Variants in DMD observed in about 807,000 individuals in gnomAD.
DMD encodes the protein dystrophin.
A neutral mutation model predicts 330.1 loss-of-function variants in DMD; 63 were observed. The ratio of observed to expected loss-of-function variants is 0.19; its 90% CI spans 0.16 to 0.24. The LOEUF is 0.24. Ranked by LOEUF, DMD falls within the 10% of genes least tolerant of loss-of-function variation. The pLI is 1.00. For synonymous variants in DMD, 1,223 were observed against 959.8 expected, an observed-to-expected ratio of 1.27 and a Z score of -5.07; for missense variants, 3,344 against 2,684.1, an observed-to-expected ratio of 1.25 and a Z score of -5.43.
intron 55 of DMD, among the ~76,000 whole-genome samples, chrX:31,551,729 C>CATGTCAGTTTCAA (rs2074498326): frequency 8.9e-6 from 1 of 111,965 alleles, no homozygotes; most frequent in Non-Finnish European, 1.9e-5. Flanking sequence ...CATATAAAAC[C>CATGTCAGTTTCAA]ATGTCAGTTT....
chrX:31,596,392 T>A (rs1324130047), intron 55 of DMD, among the ~76,000 whole-genome samples: 1 of 111,909 alleles, frequency 8.9e-6, no homozygotes, highest in Non-Finnish European at 1.9e-5. Flanking sequence ...GGAATGGAGT[T>A]CTCTGTTTAA....
intron 48 of DMD, among the ~76,000 whole-genome samples, chrX:31,865,276 A>G (rs2149628001): frequency 8.9e-6 from 1 of 111,826 alleles, no homozygotes; most frequent in East Asian, 2.8e-4. Context: ...GGAGAAAAAC[A>G]TTCAATAAAT....
At chrX:32,568,362 G>C (rs1025091504) in intron 15 of DMD, among the ~76,000 whole-genome samples, 1 of 109,846 alleles carries the variant, frequency 9.1e-6, no homozygotes, top group Non-Finnish European at 1.9e-5. Flanking sequence ...ACAATAATTA[G>C]CTGGGAATGT....
intron 1 of DMD, among the ~76,000 whole-genome samples, chrX:33,022,643 T>C (rs761494212): frequency 9.0e-6 from 1 of 111,182 alleles, no homozygotes; most frequent in Admixed American, 9.6e-5. Flanking sequence ...CTTCTCAATC[T>C]GTATGTAATT....
intron 1 of DMD, among the ~76,000 whole-genome samples, chrX:33,111,945 A>G (rs942157719): frequency 3.6e-5 from 4 of 111,634 alleles, no homozygotes; most frequent in Non-Finnish European, 7.5e-5. Flanking sequence ...CAACAACCAT[A>G]TAACTATATT....
rs1187618290 is a variant in DMD, at chrX:31,272,150, T to TCTC, written c.9225-11137_9225-11135dup. 8.1e-5 allele frequency among the ~76,000 whole-genome samples: 9 copies of TCTC among 111,520 alleles called. No homozygotes were observed. In the Admixed American group the frequency reaches 8.6e-4, roughly 11 times the overall value. On this transcript the variant is annotated intron_variant, in intron 62 of 78. Transcript: ENST00000357033. ...CAGATAAAGTCGAGCTCTGCTTCAC[T>TCTC]CTCACACAGTTTTCTTTTAATAAGA...
chrX:32,242,952 A>G (rs902539521), intron 43 of DMD, among the ~76,000 whole-genome samples: 3 of 81,103 alleles, frequency 3.7e-5, no homozygotes, highest in South Asian at 9.6e-4. Flanking sequence ...AGGAAAAGGA[A>G]AAGGAACAGA....
chrX:33,051,192 C>A (rs2094451651), intron 1 of DMD, among the ~76,000 whole-genome samples: 1 of 107,363 alleles, frequency 9.3e-6, no homozygotes, highest in African/African-American at 3.4e-5. Context: ...TTTGGATCTT[C>A]ACTATCTCAA....
At chrX:32,806,669 T>C (rs1489231089) in intron 7 of DMD, among the ~76,000 whole-genome samples, 1 of 111,597 alleles carries the variant, frequency 9.0e-6, no homozygotes, top group Non-Finnish European at 1.9e-5. Flanking sequence ...TCATACTTAT[T>C]CTAAAATTGA....
At chrX:32,366,126 T>C (rs2097853652) in intron 34 of DMD, among the ~76,000 whole-genome samples, 2 of 112,128 alleles carry the variant, frequency 1.8e-5, no homozygotes, top group Non-Finnish European at 3.8e-5. Flanking sequence ...ATGAAAACAA[T>C]CACATTTAAC....
intron 44 of DMD, among the ~76,000 whole-genome samples, chrX:32,130,939 C>A (rs1261242664): frequency 1.8e-5 from 2 of 112,128 alleles, no homozygotes; most frequent in African/African-American, 6.5e-5. Context: ...AATCCCAGCA[C>A]TTTGGGAGGC....
rs1372656209 is a variant in DMD at position 32,491,335 on chromosome X, A to G, written c.2564T>C (p.Ile855Thr). The change falls in exon 20 of 79, where the codon ATC (isoleucine) becomes ACC (threonine). Residue 855 changes from isoleucine (I) to threonine (T), a missense_variant. Physicochemically the swap from Ile to Thr is moderately conservative, Grantham distance 89. Transcript: ENST00000357033. Reference protein sequence around the residue: ...MTTTAENWLKIQPTTPSEPTA... With the variant: ...MTTTAENWLKTQPTTPSEPTA... ...TGGCTCTGATGGGGTGGTGGGTTGG[A>G]TTTTCAACCAGTTTTCAGCAGTAGT... 3.3e-6 allele frequency: 4 copies of G among 1,209,332 alleles called. No homozygotes were observed. Among genetic ancestry groups the G allele is most frequent in the African/African-American group, 1.8e-5 (1 of 57,006 alleles).
chrX:33,327,366 G>T (rs776882053), intron 1 of DMD, among the ~76,000 whole-genome samples: 5 of 111,626 alleles, frequency 4.5e-5, no homozygotes, highest in Non-Finnish European at 7.5e-5. Flanking sequence ...ACTAAAATAT[G>T]CATGAGAAGT....
intron 2 of DMD, among the ~76,000 whole-genome samples, chrX:33,008,926 A>ACACG (rs1569548755): frequency 1.7e-5 from 1 of 58,965 alleles, no homozygotes; most frequent in East Asian, 7.6e-4. Context: ...GTATATATAC[A>ACACG]TGTATATATA....
chrX:32,314,115 G>T (rs1169532223), intron 41 of DMD, among the ~76,000 whole-genome samples: 1 of 111,553 alleles, frequency 9.0e-6, no homozygotes, highest in Non-Finnish European at 1.9e-5. Context: ...GAATAACAAA[G>T]CTGGAGGCAT....
chrX:33,166,964 A>G (rs1384736022), intron 1 of DMD, among the ~76,000 whole-genome samples: 2 of 111,171 alleles, frequency 1.8e-5, no homozygotes, highest in Non-Finnish European at 3.8e-5. Context: ...ATCGATATGT[A>G]TCACTGATTT....
intron 51 of DMD, among the ~76,000 whole-genome samples, chrX:31,740,082 C>T (rs1464627619): frequency 9.0e-6 from 1 of 110,570 alleles, no homozygotes; most frequent in Non-Finnish European, 1.9e-5. Context: ...TTTCACAAGC[C>T]AGTAAGTAAA....
At chrX:32,633,151 T>A (rs1239647644) in intron 11 of DMD, among the ~76,000 whole-genome samples, 4 of 112,051 alleles carry the variant, frequency 3.6e-5, no homozygotes, top group African/African-American at 1.3e-4. Context: ...AAATATTCCA[T>A]CTTATTTCTT....
intron 34 of DMD, among the ~76,000 whole-genome samples, chrX:32,372,487 C>T (rs184724068): frequency 9.0e-6 from 1 of 111,459 alleles, no homozygotes; most frequent in Non-Finnish European, 1.9e-5. Flanking sequence ...TCCATCATCT[C>T]TATTCTACAG....
Sources: gnomAD v4.1 joint callset for allele counts (sites outside exome capture counted in the v4.1 genomes callset) on GRCh38, gnomAD v4.1.1 for gene constraint, MANE v1.5 for transcripts, NCBI Gene and HGNC (gene_info 2026-07-23, HGNC 2026-07-21) for gene names.